The following PRKN variants were observed in gnomAD, a reference collection of about 807,000 sequenced individuals.
The protein encoded by PRKN is parkin RBR E3 ubiquitin protein ligase.
Under a neutral mutation model 59.5 loss-of-function variants are expected in PRKN, and 56 were observed. The ratio of observed to expected loss-of-function variants is 0.94; its 90% CI spans 0.76 to 1.18. The LOEUF (loss-of-function observed/expected upper bound fraction) is 1.18, where lower values mean the gene tolerates loss of function less well. PRKN is among the 50% of genes most tolerant of loss of function. PRKN has a pLI of 0.00. For synonymous variants in PRKN, 250 were observed against 222.1 expected, an observed-to-expected ratio of 1.13 and a Z score of -1.12; for missense variants, 657 against 596.4, an observed-to-expected ratio of 1.10 and a Z score of -1.06.
intron 6 of PRKN, among the ~76,000 whole-genome samples, chr6:161,958,386 C>CA (rs1222201472): frequency 6.6e-6 from 1 of 152,046 alleles, no homozygotes; most frequent in Admixed American, 6.6e-5. Context: ...CTTTAAGATA[C>CA]ATTTTGACTA....
rs946047379 is a variant in PRKN, at chr6:161,545,502, T to C, written c.1083+3352A>G. On this transcript the variant is annotated intron_variant, in intron 9 of 11. Transcript: ENST00000366898. This position sits in a 1 kb window ranked among gnomAD's most constrained non-coding sequence, Gnocchi z 4.1. ...AACTTTTATGTATTTGGCCATGTTC[T>C]ACTTCTGAAATGACATAATCTAACC... The C allele has an allele frequency of 6.8e-6, 8 of 1,168,874 alleles. No homozygotes were observed. Among genetic ancestry groups the C allele is most frequent in the Non-Finnish European group, 9.0e-6 (7 of 780,940 alleles). The allele number at this position is 1,168,874 out of a possible 1,614,324, so 72.4% of individuals were successfully genotyped here.
chr6:162,374,390 GTTT>G (rs35660808), intron 2 of PRKN, among the ~76,000 whole-genome samples: 37,814 of 144,300 alleles, frequency 0.26, 4,864 homozygotes, highest in African/African-American at 0.28. Context: ...GTCTGCTATA[GTTT>G]TTTTTTTTTT....
intron 2 of PRKN, chr6:162,267,281 G>A (rs1780185975): frequency 6.6e-6 from 1 of 151,930 alleles, no homozygotes; most frequent in South Asian, 2.1e-4. Context: ...CTTGGTTCCA[G>A]AAGCGGTGCC....
chr6:162,019,681 C>T (rs371979126), intron 5 of PRKN, among the ~76,000 whole-genome samples: 5 of 152,106 alleles, frequency 3.3e-5, no homozygotes, highest in Non-Finnish European at 5.9e-5. Context: ...CAGACTACAA[C>T]GAGCCTTTAA....
intron 2 of PRKN, among the ~76,000 whole-genome samples, chr6:162,366,093 C>T (rs1285830614): frequency 6.6e-6 from 1 of 152,184 alleles, no homozygotes; most frequent in Non-Finnish European, 1.5e-5. Flanking sequence ...TTTATATTGT[C>T]ACCAATATTA....
intron 9 of PRKN, among the ~76,000 whole-genome samples, chr6:161,543,291 CAT>C (rs1779682113): frequency 6.6e-6 from 1 of 152,194 alleles, no homozygotes; most frequent in Admixed American, 6.5e-5. Flanking sequence ...TCACCAAAAA[CAT>C]ATACACGTTT....
rs569619691 is a variant in PRKN at position 161,368,384 on chromosome 6, T to G, written c.1168-8179A>C. Among the ~76,000 whole-genome samples the G allele has an allele frequency of 2.0e-4, 25 of 124,594 alleles. 1 individual carries two copies. Among genetic ancestry groups the G allele is most frequent in the African/African-American group, 6.2e-4 (16 of 25,882 alleles). The allele number at this position is 124,594 out of a possible 152,430, so 81.7% of individuals were successfully genotyped here. A position where few individuals can be genotyped will look rare whatever the true frequency, so the allele number is the denominator to read the frequency against. On this transcript the variant is annotated intron_variant, in intron 10 of 11. Coordinates refer to ENST00000366898, the MANE Select transcript of PRKN (RefSeq NM_004562.3). ...ATATATATAGCAACCTCAGTCTTGATATATATATATATATATATATATATG... is the reference window on the plus strand; with the variant it reads ...ATATATATAGCAACCTCAGTCTTGAGATATATATATATATATATATATATG...
chr6:162,658,504 T>TA lies in PRKN; in HGVS notation c.7+69157dup, dbSNP rs1194504043. 5.9e-5 allele frequency among the ~76,000 whole-genome samples: 9 copies of TA among 151,290 alleles called. No individual in the cohort carries two copies. In the East Asian group the frequency reaches 9.8e-4, roughly 16 times the overall value. ...TGGTGAAACCCCGTCTCTACAAATA[T>TA]AAAAAAATTAGCTGGGCATGATGGC... On this transcript the variant is annotated intron_variant, in intron 1 of 11. Coordinates refer to ENST00000366898, the MANE Select transcript of PRKN (RefSeq NM_004562.3).
At chr6:161,577,794 G>T (rs1211263450) in intron 7 of PRKN, among the ~76,000 whole-genome samples, 1 of 152,094 alleles carries the variant, frequency 6.6e-6, no homozygotes, top group Non-Finnish European at 1.5e-5. Flanking sequence ...AAACATCCTT[G>T]CTGGGTCAGC....
chr6:162,160,883 T>A (rs1407384158), intron 4 of PRKN, among the ~76,000 whole-genome samples: 9 of 84,468 alleles, frequency 1.1e-4, no homozygotes, highest in Admixed American at 7.6e-4. Flanking sequence ...ACAGAGAGAC[T>A]CCGTCTCAAA....
At chr6:161,912,413 A>AC (rs943888317) in intron 6 of PRKN, among the ~76,000 whole-genome samples, 5 of 135,972 alleles carry the variant, frequency 3.7e-5, no homozygotes, top group African/African-American at 1.1e-4. Flanking sequence ...ATGCCCCTGT[A>AC]CCCCCCCACC....
intron 5 of PRKN, among the ~76,000 whole-genome samples, chr6:161,975,895 T>A (rs1217312828): frequency 6.6e-6 from 1 of 152,122 alleles, no homozygotes; most frequent in East Asian, 1.9e-4. Flanking sequence ...CTCTCAAAAA[T>A]CTGGAGTGTG....
At chr6:162,272,064 C>A (rs1050593581) in intron 2 of PRKN, among the ~76,000 whole-genome samples, 1 of 152,136 alleles carries the variant, frequency 6.6e-6, no homozygotes, top group Non-Finnish European at 1.5e-5. Context: ...AGGCCTGAGA[C>A]CTTTCTGCTG....
chr6:162,301,778 C>G (rs1408240665), intron 2 of PRKN, among the ~76,000 whole-genome samples: 1 of 62,918 alleles, frequency 1.6e-5, no homozygotes, highest in Non-Finnish European at 3.3e-5. Context: ...ATAAATTGGC[C>G]GGGGCGGGGG....
intron 1 of PRKN, among the ~76,000 whole-genome samples, chr6:162,660,504 C>A (rs1419531877): frequency 6.6e-6 from 1 of 152,186 alleles, no homozygotes; most frequent in Non-Finnish European, 1.5e-5. Flanking sequence ...ACACTATTTT[C>A]TCGTAGAGTC....
At position 161,484,680 on chromosome 6, in the gene PRKN, G is replaced by A. The variant is rs929620045; in HGVS notation, c.1083+64174C>T. On this transcript the variant is annotated intron_variant, in intron 9 of 11. Transcript: ENST00000366898. The surrounding 1 kb of genome is among the most constrained non-coding windows in gnomAD (Gnocchi z 4.9). ...AAGTTTGAGACCAGGCCATTCTCAC[G>A]GGCCCGTTGTGGGCACTGCATGGTG... Among the ~76,000 whole-genome samples, 22 of 152,078 alleles carry A rather than the reference G, an allele frequency of 1.4e-4. No homozygotes were observed. Among genetic ancestry groups the A allele is most frequent in the Non-Finnish European group, 1.2e-4 (8 of 68,032 alleles).
At chr6:161,644,101 A>G (rs1269799196) in intron 7 of PRKN, among the ~76,000 whole-genome samples, 1 of 152,172 alleles carries the variant, frequency 6.6e-6, no homozygotes, top group East Asian at 1.9e-4. Context: ...CTCACCTCCA[A>G]TCTCAGAGGG....
chr6:162,611,418 A>C (rs1341577803), intron 1 of PRKN, among the ~76,000 whole-genome samples: 1 of 152,228 alleles, frequency 6.6e-6, no homozygotes, highest in Non-Finnish European at 1.5e-5. Context: ...TAGCAGAACT[A>C]AGGAGATTTG....
rs1056805656 is a variant in PRKN at position 161,444,695 on chromosome 6, C to T, written c.1084-57818G>A. Among the ~76,000 whole-genome samples, 12 of 152,336 alleles carry T rather than the reference C, an allele frequency of 7.9e-5. No individual in the cohort carries two copies. Among genetic ancestry groups the T allele is most frequent in the African/African-American group, 2.6e-4 (11 of 41,576 alleles). ...CTCCTGAGTAACAGCGAGCTTTGCA[C>T]GAGCGCTACCGCGTGGCGGTGGAAA... On this transcript the variant is annotated intron_variant, in intron 9 of 11. Transcript: ENST00000366898. This position sits in a 1 kb window ranked among gnomAD's most constrained non-coding sequence, Gnocchi z 5.6.
Sources: allele counts gnomAD v4.1 joint callset (sites outside exome capture counted in the v4.1 genomes callset), GRCh38; gene constraint gnomAD v4.1.1; non-coding constraint Gnocchi (gnomAD v3.1); transcripts MANE v1.5; gene names NCBI Gene and HGNC (gene_info 2026-07-23, HGNC 2026-07-21).